Variants in SIPA1L1 observed in about 807,000 individuals in gnomAD.
The protein encoded by SIPA1L1 is signal-induced proliferation-associated 1-like protein 1.
In SIPA1L1, 26 loss-of-function variants were observed where a neutral mutation model predicts 162.7. That is an observed-to-expected ratio of 0.16 (90% CI 0.12 to 0.22). SIPA1L1 has a LOEUF of 0.22. Ranked by LOEUF, SIPA1L1 falls within the 10% of genes least tolerant of loss-of-function variation. The pLI is 1.00. For synonymous variants in SIPA1L1, 829 were observed against 837.4 expected, an observed-to-expected ratio of 0.99 and a Z score of 0.17; for missense variants, 1,874 against 2,241.0, an observed-to-expected ratio of 0.84 and a Z score of 3.31.
At chr14:71,608,057 T>G (rs1263176717) in intron 5 of SIPA1L1, among the ~76,000 whole-genome samples, 2 of 152,188 alleles carry the variant, frequency 1.3e-5, no homozygotes, top group Non-Finnish European at 2.9e-5. Flanking sequence ...ATCAATTCCT[T>G]TTCCAGTCTT....
intron 2 of SIPA1L1, among the ~76,000 whole-genome samples, chr14:71,354,731 G>A (rs1234964535): frequency 6.6e-6 from 1 of 152,206 alleles, no homozygotes; most frequent in African/African-American, 2.4e-5. Flanking sequence ...TGTTTTTGAA[G>A]TAGCCAAGCT....
intron 8 of SIPA1L1, among the ~76,000 whole-genome samples, chr14:71,656,385 AT>A (rs1215245146): frequency 6.6e-6 from 1 of 152,072 alleles, no homozygotes; most frequent in Non-Finnish European, 1.5e-5. Flanking sequence ...CTTGAAACAC[AT>A]GTATAAGTAC....
At chr14:71,417,315 C>CA (rs2042843871) in intron 2 of SIPA1L1, among the ~76,000 whole-genome samples, 1 of 150,296 alleles carries the variant, frequency 6.7e-6, no homozygotes, top group Non-Finnish European at 1.5e-5. Flanking sequence ...ACTAAAAATA[C>CA]AAAAAATTAG....
intron 2 of SIPA1L1, among the ~76,000 whole-genome samples, chr14:71,403,599 CAAAAAAAAA>C (rs147285643): frequency 4.3e-5 from 3 of 69,296 alleles, no homozygotes; most frequent in African/African-American, 1.7e-4. Flanking sequence ...GACTCTGTCT[CAAAAAAAAA>C]AAAAAAAAAA....
At chr14:71,511,858 T>C (rs2051179624) in intron 2 of SIPA1L1, among the ~76,000 whole-genome samples, 1 of 152,158 alleles carries the variant, frequency 6.6e-6, no homozygotes, top group Non-Finnish European at 1.5e-5. Flanking sequence ...CAGAAAACTC[T>C]TCAAAAGGAC....
At chr14:71,649,922 T>C (rs1481427259) in intron 7 of SIPA1L1, among the ~76,000 whole-genome samples, 2 of 152,020 alleles carry the variant, frequency 1.3e-5, no homozygotes, top group Admixed American at 6.5e-5. Context: ...TTTTAAAATA[T>C]GTTTTATAAA....
intron 2 of SIPA1L1, among the ~76,000 whole-genome samples, chr14:71,367,640 CTTGT>C (rs1387533114): frequency 1.7e-5 from 2 of 114,454 alleles, no homozygotes; most frequent in Non-Finnish European, 3.4e-5. Context: ...CAGGTTTGCT[CTTGT>C]TTCTCAGGCT....
chr14:71,405,408 A>T (rs1256053567), intron 2 of SIPA1L1, among the ~76,000 whole-genome samples: 2 of 152,240 alleles, frequency 1.3e-5, no homozygotes, highest in South Asian at 2.1e-4. Flanking sequence ...GTAGGTCCTT[A>T]TAGACCATAG....
intron 2 of SIPA1L1, among the ~76,000 whole-genome samples, chr14:71,337,810 G>A (rs1349877843): frequency 6.6e-6 from 1 of 152,074 alleles, no homozygotes; most frequent in Non-Finnish European, 1.5e-5. Flanking sequence ...GCTAGGCATG[G>A]TGATGCATGC....
At chr14:71,454,677 T>C (rs2046064574) in intron 2 of SIPA1L1, among the ~76,000 whole-genome samples, 1 of 152,140 alleles carries the variant, frequency 6.6e-6, no homozygotes, top group Admixed American at 6.5e-5. Flanking sequence ...GCAAAGGCAG[T>C]ATAGAGTTTA....
intron 6 of SIPA1L1, among the ~76,000 whole-genome samples, chr14:71,622,719 A>G (rs1038398713): frequency 2.6e-5 from 4 of 152,242 alleles, no homozygotes; most frequent in Non-Finnish European, 4.4e-5. Flanking sequence ...TTCTAACTAC[A>G]TTCTCTGCCT....
intron 2 of SIPA1L1, among the ~76,000 whole-genome samples, chr14:71,384,820 G>A (rs74060350): frequency 2.6e-5 from 4 of 152,170 alleles, no homozygotes; most frequent in South Asian, 2.1e-4. Context: ...AGCCTGACCC[G>A]CGTTTCCTTT....
At chr14:71,493,191 C>T (rs1396985750) in intron 2 of SIPA1L1, among the ~76,000 whole-genome samples, 1 of 152,062 alleles carries the variant, frequency 6.6e-6, no homozygotes, top group Non-Finnish European at 1.5e-5. Flanking sequence ...CTCCTGGGCC[C>T]AAGCAATTTT....
chr14:71,532,375 C>T (rs547666008), intron 4 of SIPA1L1, among the ~76,000 whole-genome samples: 4 of 152,162 alleles, frequency 2.6e-5, no homozygotes, highest in Admixed American at 1.3e-4. Context: ...TATGAAAGGA[C>T]TTGTATATAT....
chr14:71,344,154 A>T (rs1002110772), intron 2 of SIPA1L1, among the ~76,000 whole-genome samples: 1 of 152,158 alleles, frequency 6.6e-6, no homozygotes, highest in African/African-American at 2.4e-5. Context: ...TATTTCCCTC[A>T]TTTTTGTAGT....
chr14:71,470,266 TC>T (rs575537751), intron 2 of SIPA1L1, among the ~76,000 whole-genome samples: 1 of 152,188 alleles, frequency 6.6e-6, no homozygotes, highest in South Asian at 2.1e-4. Flanking sequence ...TTATAGTAGA[TC>T]CTGATACGGA....
At chr14:71,551,545 A>T (rs1277672036) in intron 4 of SIPA1L1, among the ~76,000 whole-genome samples, 1 of 152,214 alleles carries the variant, frequency 6.6e-6, no homozygotes, top group Non-Finnish European at 1.5e-5. Context: ...TACTACCAAA[A>T]GTGTCCAACT....
intron 7 of SIPA1L1, among the ~76,000 whole-genome samples, chr14:71,642,325 T>C (rs1325785564): frequency 6.6e-6 from 1 of 151,798 alleles, no homozygotes; most frequent in Admixed American, 6.6e-5. Flanking sequence ...GAGATGTGAG[T>C]CCAGGGAGGC....
intron 7 of SIPA1L1, among the ~76,000 whole-genome samples, chr14:71,625,632 G>A (rs961140429): frequency 1.3e-5 from 2 of 152,146 alleles, no homozygotes; most frequent in Non-Finnish European, 2.9e-5. Context: ...ACATATAAAC[G>A]TAACTATTTT....
Sources: gnomAD v4.1 joint callset for allele counts (sites outside exome capture counted in the v4.1 genomes callset) on GRCh38, gnomAD v4.1.1 for gene constraint, MANE v1.5 for transcripts, NCBI Gene and HGNC (gene_info 2026-07-23, HGNC 2026-07-21) for gene names.